The following ACSM1 variants were observed in gnomAD, a reference collection of about 807,000 sequenced individuals.
ACSM1 encodes acyl-coenzyme A synthetase ACSM1, mitochondrial.
Under a neutral mutation model 75.8 loss-of-function variants are expected in ACSM1, and 79 were observed. The ratio of observed to expected loss-of-function variants is 1.04; its 90% CI spans 0.87 to 1.26. The LOEUF (loss-of-function observed/expected upper bound fraction) is 1.26, where lower values mean the gene tolerates loss of function less well. Ranked by LOEUF, ACSM1 falls within the 50% of genes most tolerant of loss-of-function variation. ACSM1 has a pLI of 0.00. For missense variants in ACSM1, 676 were observed against 720.1 expected (o/e 0.94, Z 0.70); for synonymous variants, 279 against 265.8 (o/e 1.05, Z -0.48).
intron 4 of ACSM1, among the ~76,000 whole-genome samples, chr16:20,675,548 T>C (rs1000699880): frequency 3.9e-5 from 6 of 152,166 alleles, no homozygotes; most frequent in African/African-American, 1.2e-4. Context: ...AGGAAAAGCA[T>C]GGAAACCAAC....
intron 7 of ACSM1, among the ~76,000 whole-genome samples, chr16:20,653,414 CAGGAGA>C (rs2018763558): frequency 6.6e-6 from 1 of 152,084 alleles, no homozygotes; most frequent in Admixed American, 6.6e-5. Context: ...GGCAATCAGG[CAGGAGA>C]AAGAAATGAA....
Position 20,625,453 on chromosome 16 carries a change from C to T in ACSM1, c.1497G>A (p.Val499=), listed in dbSNP as rs1318311300. ...VEHPAVAESA[V]VGSPDPIRGE... is the part of the protein sequence containing the mutation. ...CTCGAATCGGGTCTGGGCTGCCCAC[C>T]ACGGCTGACTCCGCCACCGCTGGGT... The change falls in exon 12 of 14, where the codon GTG becomes GTA. Residue 499 remains valine (V), a synonymous_variant. Transcript: ENST00000520010. The T allele has an allele frequency of 1.2e-6, 2 of 1,614,132 alleles. No individual in the cohort carries two copies. The highest frequency in any genetic ancestry group is 3.3e-5 in the Admixed American group (2 of 60,030).
chr16:20,643,680 G>A (rs1486308700), intron 7 of ACSM1, among the ~76,000 whole-genome samples: 4 of 152,204 alleles, frequency 2.6e-5, no homozygotes, highest in African/African-American at 4.8e-5. Context: ...TGCTGGCTCT[G>A]GTGGCCAGCT....
chr16:20,671,409 T>G, intron 5 of ACSM1, 122 bp downstream of exon 5: 1 of 1,048,554 alleles, frequency 9.5e-7, no homozygotes. Context: ...AAGGAGTATG[T>G]AGTCACTTCT....
intron 7 of ACSM1, among the ~76,000 whole-genome samples, chr16:20,641,108 GGAAA>G (rs1216519606): frequency 6.6e-6 from 1 of 152,146 alleles, no homozygotes; most frequent in Non-Finnish European, 1.5e-5. Flanking sequence ...AGCTGAGTAG[GGAAA>G]GAGAGAGGGA....
rs1306440761 is a variant in ACSM1 at position 20,636,823 on chromosome 16, G to A, written c.1215C>T (p.Gly405=). 2.5e-6 allele frequency: 4 copies of A among 1,613,876 alleles called. No homozygotes were observed. The highest frequency in any genetic ancestry group is 3.4e-6 in the Non-Finnish European group (4 of 1,179,944). The change falls in exon 10 of 14, where the codon GGC becomes GGT. Residue 405 remains glycine, a synonymous_variant. Coordinates refer to ENST00000520010, the MANE Select transcript of ACSM1 (RefSeq NM_001318890.3). Reference sequence around the variant, plus strand: ...CTTCTGTGTTAGGTGGCAGGATGCTGCCCTTGTCATCAATGACCTGTAGCA... The same window carrying A: ...CTTCTGTGTTAGGTGGCAGGATGCTACCCTTGTCATCAATGACCTGTAGCA... ...PYDVQVIDDK[G]SILPPNTEGN... is the part of the protein sequence containing the mutation.
chr16:20,694,500 C>T (rs2079679414), intron 1 of ACSM1, among the ~76,000 whole-genome samples: 1 of 152,224 alleles, frequency 6.6e-6, no homozygotes, highest in African/African-American at 2.4e-5. Context: ...CCTCCTTCCA[C>T]AGGCATGAGC....
At chr16:20,682,986 C>G (rs986812169) in intron 3 of ACSM1, among the ~76,000 whole-genome samples, 2 of 152,148 alleles carry the variant, frequency 1.3e-5, no homozygotes, top group African/African-American at 4.8e-5. Flanking sequence ...TGAGCTCAAG[C>G]CTTTGTGTTT....
In ACSM1 at chr16:20,691,063, G is replaced by A. The variant is rs767832113; in HGVS notation, c.126C>T (p.Asp42=). The stretch of plus-strand genomic sequence containing the variant: ...AGTTAAATTCCTCCGGTACTTCATA[G>A]TCATTCCATCTTGGGGCTCCAAATT... ...LSEFGAPRWN[D]YEVPEEFNFA... Residue 42 remains aspartate (D), a synonymous_variant, in exon 2 of 14, where the codon GAC becomes GAT. Transcript: ENST00000520010. 1 of 1,613,806 alleles carries A rather than the reference G, an allele frequency of 6.2e-7. No homozygotes were observed. Among genetic ancestry groups the A allele is most frequent in the East Asian group, 2.2e-5 (1 of 44,868 alleles).
intron 6 of ACSM1, among the ~76,000 whole-genome samples, chr16:20,666,621 A>C (rs780408039): frequency 4.0e-5 from 6 of 151,896 alleles, no homozygotes; most frequent in Non-Finnish European, 5.9e-5. Context: ...AATCAGAAAA[A>C]ACGACTTTAA....
chr16:20,650,406 C>T (rs1321071846), intron 7 of ACSM1, among the ~76,000 whole-genome samples: 1 of 151,942 alleles, frequency 6.6e-6, no homozygotes, highest in African/African-American at 2.4e-5. Flanking sequence ...GGAGCTTGAC[C>T]CCCCACAACG....
chr16:20,637,788 C>T (rs1406292172), intron 8 of ACSM1, among the ~76,000 whole-genome samples: 2 of 152,210 alleles, frequency 1.3e-5, no homozygotes, highest in African/African-American at 2.4e-5. Flanking sequence ...ATTGAACAGG[C>T]ATGTGTCAGT....
intron 6 of ACSM1, among the ~76,000 whole-genome samples, chr16:20,666,147 G>T (rs2019554153): frequency 6.6e-6 from 1 of 151,822 alleles, no homozygotes. Context: ...TCAAGCAAGA[G>T]AAAGAAATAA....
At chr16:20,664,977 C>T (rs542133547) in intron 6 of ACSM1, among the ~76,000 whole-genome samples, 16 of 152,172 alleles carry the variant, frequency 1.1e-4, no homozygotes, top group African/African-American at 3.4e-4. Flanking sequence ...CTACCAAAAT[C>T]GTTGAGATGC....
At chr16:20,646,601 G>C (rs771936345) in intron 7 of ACSM1, among the ~76,000 whole-genome samples, 1 of 152,190 alleles carries the variant, frequency 6.6e-6, no homozygotes, top group Admixed American at 6.5e-5. Context: ...CAGCCACTAA[G>C]TTGTGACTGG....
At chr16:20,660,853 A>G (rs163275) in intron 7 of ACSM1, among the ~76,000 whole-genome samples, 61,836 of 152,028 alleles carry the variant, frequency 0.41, 14,000 homozygotes, top group East Asian at 0.85. Context: ...CAAACATAGG[A>G]AGATGCAAAA....
intron 8 of ACSM1, among the ~76,000 whole-genome samples, chr16:20,637,741 G>A (rs548538218): frequency 3.0e-4 from 45 of 152,282 alleles, no homozygotes; most frequent in Middle Eastern, 6.8e-3. Flanking sequence ...TATTCCCCTG[G>A]CTGTGGGCAT....
At chr16:20,680,508 A>T (rs1421649295) in intron 4 of ACSM1, 1 of 152,262 alleles carries the variant, frequency 6.6e-6, no homozygotes, top group Non-Finnish European at 1.5e-5. Context: ...AGGCAAAGGA[A>T]TTAATGCCAC....
intron 10 of ACSM1, among the ~76,000 whole-genome samples, chr16:20,631,369 G>A (rs2017333070): frequency 6.6e-6 from 1 of 152,178 alleles, no homozygotes; most frequent in South Asian, 2.1e-4. Flanking sequence ...AAAAAAATCA[G>A]AAAACAATAG....
Sources: allele counts gnomAD v4.1 joint callset (sites outside exome capture counted in the v4.1 genomes callset), GRCh38; gene constraint gnomAD v4.1.1; transcripts MANE v1.5; gene names NCBI Gene and HGNC (gene_info 2026-07-23, HGNC 2026-07-21).